The following NDUFAF2 variants were observed in gnomAD, a reference collection of about 807,000 sequenced individuals.
NDUFAF2 encodes NADH:ubiquinone oxidoreductase complex assembly factor 2.
A neutral mutation model predicts 22.8 loss-of-function variants in NDUFAF2; 13 were observed. That is an observed-to-expected ratio of 0.57 (90% confidence interval 0.37 to 0.91). NDUFAF2 has a LOEUF of 0.91. Ranked by LOEUF, NDUFAF2 falls within the 40% of genes least tolerant of loss-of-function variation. The probability of loss-of-function intolerance (pLI) is 0.01; values close to 1 mark genes in which losing one functional copy is unlikely to be tolerated. For missense variants in NDUFAF2, 162 were observed against 195.2 expected (o/e 0.83, Z 1.01); for synonymous variants, 53 against 64.2 (o/e 0.83, Z 0.84).
intron 1 of NDUFAF2, among the ~76,000 whole-genome samples, chr5:61,061,930 C>T (rs1363336780): frequency 6.6e-6 from 1 of 152,200 alleles, no homozygotes; most frequent in Non-Finnish European, 1.5e-5. Flanking sequence ...AGGGAGGCAC[C>T]TGAAGTTATT....
chr5:61,063,768 AG>A (rs1279180310), intron 1 of NDUFAF2, among the ~76,000 whole-genome samples: 1 of 152,164 alleles, frequency 6.6e-6, no homozygotes, highest in Non-Finnish European at 1.5e-5. Context: ...AATGAATCAA[AG>A]CTCAGCTACA....
intron 1 of NDUFAF2, among the ~76,000 whole-genome samples, chr5:60,965,335 C>G (rs933438238): frequency 2.6e-5 from 4 of 152,110 alleles, no homozygotes; most frequent in Non-Finnish European, 5.9e-5. Context: ...TTAAATCAAG[C>G]TGATGAACAT....
chr5:60,995,866 A>G (rs1198369292), intron 1 of NDUFAF2, among the ~76,000 whole-genome samples: 1 of 152,184 alleles, frequency 6.6e-6, no homozygotes, highest in East Asian at 1.9e-4. Context: ...CTGAGCTGGC[A>G]CTCAAACCAC....
At chr5:61,101,240 C>T (rs1023555453) in intron 3 of NDUFAF2, among the ~76,000 whole-genome samples, 2 of 152,058 alleles carry the variant, frequency 1.3e-5, no homozygotes, top group Non-Finnish European at 1.5e-5. Flanking sequence ...GGTCAAGAAA[C>T]ACAACTTTGC....
intron 1 of NDUFAF2, among the ~76,000 whole-genome samples, chr5:61,051,227 C>T (rs1311511319): frequency 6.6e-6 from 1 of 152,092 alleles, no homozygotes; most frequent in Admixed American, 6.5e-5. Context: ...TTGATAGATA[C>T]CTCTCACAGA....
chr5:61,019,894 T>G lies in NDUFAF2; in HGVS notation c.128-53231T>G, dbSNP rs561226939. On this transcript the variant is annotated intron_variant, in intron 1 of 3. Transcript: ENST00000296597. ...TGGAACAGATTGTGTAAAACAGAGG[T>G]TAGATGTTCCTAAGTGTCCTGGAAA... Among the ~76,000 whole-genome samples the G allele has an allele frequency of 8.5e-5, 13 of 152,172 alleles. No individual in the cohort carries two copies. In the South Asian group the frequency reaches 2.5e-3, roughly 29 times the overall value.
intron 1 of NDUFAF2, among the ~76,000 whole-genome samples, chr5:61,043,728 CATCTAT>C (rs142863253): frequency 0.1 from 15,552 of 150,292 alleles, 1,068 homozygotes; most frequent in South Asian, 0.16. Flanking sequence ...TGTGTATCTA[CATCTAT>C]ATTACATTTT....
intron 1 of NDUFAF2, among the ~76,000 whole-genome samples, chr5:61,029,131 G>C (rs1212901330): frequency 2.6e-5 from 4 of 152,038 alleles, no homozygotes; most frequent in Non-Finnish European, 5.9e-5. Context: ...CTAGCACAAG[G>C]TAGATGGTCT....
At chr5:61,122,470 T>C (rs1752988168) in intron 3 of NDUFAF2, among the ~76,000 whole-genome samples, 1 of 152,196 alleles carries the variant, frequency 6.6e-6, no homozygotes, top group Non-Finnish European at 1.5e-5. Context: ...TGTGAATTTA[T>C]ACAGAAATAA....
rs932171750 is a variant in NDUFAF2, at chr5:60,948,799, C to T, written c.127+3417C>T. On this transcript the variant is annotated intron_variant, in intron 1 of 3. Transcript: ENST00000296597. ...TTTGTATGGACTTATGTTTTTATTT[C>T]TCTTGATGTAATATTTAGAAATGGA... Among the ~76,000 whole-genome samples, 3 of 151,880 alleles carry T rather than the reference C, an allele frequency of 2.0e-5. No homozygotes were observed. In the East Asian group the frequency reaches 5.8e-4, roughly 29 times the overall value.
intron 3 of NDUFAF2, among the ~76,000 whole-genome samples, chr5:61,128,091 G>A (rs928447518): frequency 5.8e-4 from 88 of 152,222 alleles, no homozygotes; most frequent in African/African-American, 2.0e-3. Context: ...AACTTACAAG[G>A]GATGTGAAGG....
chr5:61,002,163 A>G (rs894816210), intron 1 of NDUFAF2, among the ~76,000 whole-genome samples: 4 of 152,174 alleles, frequency 2.6e-5, no homozygotes, highest in African/African-American at 9.6e-5. Flanking sequence ...CTCTTTCCTT[A>G]GTTCACAACT....
intron 1 of NDUFAF2, among the ~76,000 whole-genome samples, chr5:60,969,420 T>C (rs191636442): frequency 9.4e-4 from 143 of 152,294 alleles, no homozygotes; most frequent in African/African-American, 3.4e-3. Context: ...CAGAGTGAGA[T>C]GATATCTCAT....
chr5:61,026,750 C>G (rs1448222267), intron 1 of NDUFAF2, among the ~76,000 whole-genome samples: 2 of 151,912 alleles, frequency 1.3e-5, no homozygotes, highest in Non-Finnish European at 2.9e-5. Flanking sequence ...AACAAGTTAC[C>G]TTTTCAAGGA....
In NDUFAF2 at chr5:61,031,783, T is replaced by C. The variant is rs906068229; in HGVS notation, c.128-41342T>C. The stretch of plus-strand genomic sequence containing the variant: ...GTCAAATGGCATTTCTAGTTCTAGA[T>C]CCTTGAGGAATTGCCACACTGTCTT... On this transcript the variant is annotated intron_variant, in intron 1 of 3. Coordinates refer to ENST00000296597, the MANE Select transcript of NDUFAF2 (RefSeq NM_174889.5). Among the ~76,000 whole-genome samples the C allele has an allele frequency of 4.6e-5, 7 of 152,300 alleles. No homozygotes were observed. The East Asian group carries it at 9.6e-4, about 21-fold the overall frequency.
chr5:61,076,149 C>T (rs1752366971), intron 2 of NDUFAF2, among the ~76,000 whole-genome samples: 1 of 152,180 alleles, frequency 6.6e-6, no homozygotes, highest in African/African-American at 2.4e-5. Flanking sequence ...TGGCTCACTG[C>T]AGGCTCCACC....
At chr5:61,058,890 A>G (rs1225250098) in intron 1 of NDUFAF2, among the ~76,000 whole-genome samples, 1 of 152,050 alleles carries the variant, frequency 6.6e-6, no homozygotes, top group Non-Finnish European at 1.5e-5. Context: ...TGGACTAAAT[A>G]GTCATGCATT....
chr5:61,022,332 G>A (rs1751594577), intron 1 of NDUFAF2, among the ~76,000 whole-genome samples: 1 of 151,988 alleles, frequency 6.6e-6, no homozygotes, highest in East Asian at 1.9e-4. Context: ...TCTATGCTCA[G>A]TTTTCCTTCT....
intron 3 of NDUFAF2, among the ~76,000 whole-genome samples, chr5:61,140,216 G>T (rs984083879): frequency 6.6e-6 from 1 of 152,176 alleles, no homozygotes; most frequent in African/African-American, 2.4e-5. Context: ...TTAGAAACAG[G>T]GATTGTCCTC....
Sources: allele counts gnomAD v4.1 joint callset (sites outside exome capture counted in the v4.1 genomes callset), GRCh38; gene constraint gnomAD v4.1.1; transcripts MANE v1.5; gene names NCBI Gene and HGNC (gene_info 2026-07-23, HGNC 2026-07-21).